RSPH10B2: variants seen among roughly 807,000 people sequenced by gnomAD.
The protein encoded by RSPH10B2 is radial spoke head 10 homolog B2 (Chlamydomonas).
RSPH10B2 carries 9 observed loss-of-function variants against 49.0 expected under a neutral mutation model. That is an observed-to-expected ratio of 0.18 (90% confidence interval 0.11 to 0.32). The LOEUF is 0.32. Ranked by LOEUF, RSPH10B2 falls within the 10% of genes least tolerant of loss-of-function variation. The pLI, the probability that RSPH10B2 is intolerant of heterozygous loss-of-function variation, is 1.00. For synonymous variants in RSPH10B2, 35 were observed against 210.2 expected, an observed-to-expected ratio of 0.17 and a Z score of 7.21; for missense variants, 95 against 589.9, an observed-to-expected ratio of 0.16 and a Z score of 8.69.
At chr7:6,783,925 C>T (rs1424404539) in intron 13 of RSPH10B2, among the ~76,000 whole-genome samples, 27 of 138,030 alleles carry the variant, frequency 2.0e-4, no homozygotes, top group African/African-American at 6.9e-4. Flanking sequence ...CAACCTCCGC[C>T]TCCCGGGTTC....
rs533150267 is a variant in RSPH10B2, at chr7:6,769,632, A to G, written c.957+866A>G. Among the ~76,000 whole-genome samples, 33 of 114,372 alleles carry G rather than the reference A, an allele frequency of 2.9e-4. 2 individuals are homozygous for G. The South Asian group carries it at 7.8e-3, about 27-fold the overall frequency. 75.0% of individuals were successfully genotyped at this position (114,372 alleles called of 152,430 possible). A position where few individuals can be genotyped will look rare whatever the true frequency, so the allele number is the denominator to read the frequency against. ...GAGACAGAGTTTCGCTCTGTTGCCC[A>G]GGCTGGAGTGCAGTGGCATGATCTC... is the stretch of plus-strand genomic sequence containing the variant. On this transcript the variant is annotated intron_variant, in intron 7 of 18. Transcript: ENST00000297186.
chr7:6,797,870 C>T (rs1295733717), intron 18 of RSPH10B2, among the ~76,000 whole-genome samples: 1 of 92,194 alleles, frequency 1.1e-5, no homozygotes, highest in Non-Finnish European at 2.0e-5. Context: ...AAAAAATACA[C>T]ACACACACAC....
chr7:6,780,429 G>A (rs1249050955), intron 11 of RSPH10B2, among the ~76,000 whole-genome samples: 1 of 116,392 alleles, frequency 8.6e-6, no homozygotes, highest in Non-Finnish European at 1.8e-5. Context: ...TGTCACCCAG[G>A]CTGGAGTGCA....
At chr7:6,755,641 A>G (rs1406624461), upstream of RSPH10B2, among the ~76,000 whole-genome samples, 1 of 59,954 alleles carries the variant, frequency 1.7e-5, no homozygotes, top group Non-Finnish European at 2.9e-5. Context: ...AAAAAAAAAA[A>G]AAAAGGAAAC....
rs1403710380 is a variant in RSPH10B2, at chr7:6,791,294, G to A, written c.2140-610G>A. On this transcript the variant is annotated intron_variant, in intron 16 of 18. Transcript: ENST00000297186. ...TGGGATTACAGGCATGAGCCACCAC[G>A]CCTAGCCGGTATCATTAATTTTATA... Among the ~76,000 whole-genome samples the A allele has an allele frequency of 1.5e-5, 2 of 132,402 alleles. 1 individual carries two copies. The highest frequency in any genetic ancestry group is 3.1e-5 in the Non-Finnish European group (2 of 64,144). The allele number at this position is 132,402 out of a possible 152,430, so 86.9% of individuals were successfully genotyped here.
At chr7:6,776,401 T>C (rs201658191) in exon 10 of RSPH10B2, 26,588 of 49,126 alleles carry the variant, frequency 0.54, 3,659 homozygotes, top group South Asian at 0.64. Context: ...TAAGAAGAAT[T>C]TACAGCTTTT....
intron 13 of RSPH10B2, among the ~76,000 whole-genome samples, chr7:6,783,293 G>T (rs1253204476): frequency 8.6e-6 from 1 of 116,550 alleles, no homozygotes; most frequent in East Asian, 2.6e-4. Flanking sequence ...GACTCCCAAA[G>T]TGCTGGGATT....
intron 17 of RSPH10B2, chr7:6,794,058 G>T (rs1221976394): frequency 1.9e-5 from 2 of 107,154 alleles, no homozygotes; most frequent in Non-Finnish European, 4.2e-5. Context: ...TAGGCATCTT[G>T]GGGGGCTGTG....
upstream of RSPH10B2, among the ~76,000 whole-genome samples, chr7:6,755,925 T>C: frequency 8.8e-6 from 1 of 114,122 alleles, no homozygotes; most frequent in Non-Finnish European, 1.7e-5. Flanking sequence ...AGGACAGGGC[T>C]AGAGAGTCTG....
In RSPH10B2 at chr7:6,780,803, T is replaced by C. The variant is rs777636353; in HGVS notation, c.1530-6T>C. ...TAACTATGGTATCTTTTGATGATTA[T>C]CACAGAAAGAGAAGCCCATCCCTCT... On this transcript the variant is annotated splice_polypyrimidine_tract_variant and splice_region_variant and intron_variant, in intron 11 of 18. Coordinates refer to ENST00000297186, the Ensembl canonical transcript of RSPH10B2. The C allele has an allele frequency of 3.8e-5, 55 of 1,456,794 alleles. 6 individuals are homozygous for C. The Middle Eastern group carries it at 7.3e-4, about 19-fold the overall frequency. 90.2% of individuals were successfully genotyped at this position (1,456,794 alleles called of 1,614,324 possible).
intron 17 of RSPH10B2, 121 bp from the exon 20 acceptor site, chr7:6,796,447 A>G: frequency 1.5e-6 from 1 of 655,644 alleles, no homozygotes; most frequent in Non-Finnish European, 2.1e-6. Flanking sequence ...TACTCCTCTC[A>G]CTTCTCCTGG....
Position 6,782,842 on chromosome 7 carries a change from C to T in RSPH10B2, c.1758+1366C>T, listed in dbSNP as rs1372568171. Among the ~76,000 whole-genome samples, 3 of 118,592 alleles carry T rather than the reference C, an allele frequency of 2.5e-5. 1 individual carries two copies. Among genetic ancestry groups the T allele is most frequent in the African/African-American group, 1.0e-4 (3 of 29,840 alleles). The allele number at this position is 118,592 out of a possible 152,430, so 77.8% of individuals were successfully genotyped here. A position where few individuals can be genotyped will look rare whatever the true frequency, so the allele number is the denominator to read the frequency against. ...AGGTTGCAATGAGCTGGAATTGTGC[C>T]ACTGCACTCCAGTCTAGGCAACAAG... On this transcript the variant is annotated intron_variant, in intron 13 of 18. Transcript: ENST00000297186.
In RSPH10B2 at chr7:6,764,055, CTG is replaced by C. The variant is rs1424712708; in HGVS notation, c.531_532del (p.Ser178LeufsTer44). 1 of 1,240,550 alleles carries C rather than the reference CTG, an allele frequency of 8.1e-7. No homozygotes were observed. The highest frequency in any genetic ancestry group is 1.6e-5 in the African/African-American group (1 of 62,440). 76.8% of individuals were successfully genotyped at this position (1,240,550 alleles called of 1,614,324 possible). ...GGGATGTTCAAGTGCAGCACCCAGC[CTG>C]TGTCCTACATCGGCCACTGGTGCAA... On this transcript the variant is annotated frameshift_variant, in exon 4 of 19. Transcript: ENST00000297186. LOFTEE classifies it high-confidence loss of function.
chr7:6,763,476 A>T (rs1283193213), intron 3 of RSPH10B2, among the ~76,000 whole-genome samples: 5 of 122,442 alleles, frequency 4.1e-5, no homozygotes, highest in African/African-American at 1.3e-4. Context: ...TTCTAGAGAC[A>T]GGGTCTTCCT....
intron 16 of RSPH10B2, among the ~76,000 whole-genome samples, chr7:6,790,157 AG>A (rs1174972496): frequency 2.0e-5 from 2 of 101,418 alleles, no homozygotes; most frequent in African/African-American, 4.9e-5. Flanking sequence ...CCCACTTACG[AG>A]GTCTAAGTGA....
chr7:6,769,754 C>CTTT (rs911131827), intron 7 of RSPH10B2, among the ~76,000 whole-genome samples: 11 of 76,646 alleles, frequency 1.4e-4, no homozygotes, highest in East Asian at 8.1e-4. Context: ...ACGCCCGGCT[C>CTTT]TTTTTTTTTT....
At chr7:6,780,523 AC>A (rs61155314) in intron 11 of RSPH10B2, among the ~76,000 whole-genome samples, 9,972 of 113,076 alleles carry the variant, frequency 0.088, 2,007 homozygotes, top group Middle Eastern at 0.17. Flanking sequence ...AGCTGGGATT[AC>A]CGGTGTCTGC....
intron 4 of RSPH10B2, among the ~76,000 whole-genome samples, chr7:6,764,716 G>GTC: frequency 7.0e-6 from 1 of 142,664 alleles, no homozygotes; most frequent in Middle Eastern, 3.5e-3. Context: ...TGTTGTGTGT[G>GTC]TGTGTGTGTG....
chr7:6,783,841 T>C (rs6651077), intron 13 of RSPH10B2, among the ~76,000 whole-genome samples: 1 of 123,822 alleles, frequency 8.1e-6, no homozygotes, highest in Non-Finnish European at 1.7e-5. Context: ...TAATAATAAT[T>C]ATTATTATTA....
Sources: gnomAD v4.1 joint callset for allele counts (sites outside exome capture counted in the v4.1 genomes callset) on GRCh38, gnomAD v4.1.1 for gene constraint, MANE v1.5 for transcripts, NCBI Gene and HGNC (gene_info 2026-07-23, HGNC 2026-07-21) for gene names.